TAF1L: variants seen among roughly 807,000 people sequenced by gnomAD.
TAF1L encodes the protein transcription initiation factor TFIID subunit 1-like.
TAF1L carries 30 observed loss-of-function variants against 128.8 expected under a neutral mutation model. The ratio of observed to expected loss-of-function variants is 0.23; its 90% CI spans 0.17 to 0.32. The LOEUF (loss-of-function observed/expected upper bound fraction) is 0.32. Ranked by LOEUF, TAF1L falls within the 10% of genes least tolerant of loss-of-function variation. The pLI is 1.00. For missense variants in TAF1L, 2,099 were observed against 2,253.7 expected (o/e 0.93, Z 1.39); for synonymous variants, 764 against 790.7 (o/e 0.97, Z 0.57).
rs375183846 is a variant in TAF1L at position 32,631,117 on chromosome 9, A to G, written c.4463T>C (p.Ile1488Thr). Reference sequence around the variant, plus strand: ...ACAGAGATCCAGCATGGATTGAGAGATCTGAGTCAATGAATGTTTTGGCCC... The same window carrying G: ...ACAGAGATCCAGCATGGATTGAGAGGTCTGAGTCAATGAATGTTTTGGCCC... ...YNGPKHSLTQ[I>T]SQSMLDLCDE... is the part of the protein sequence containing the mutation. The change falls in exon 1 of 1, where the codon ATC (isoleucine) becomes ACC (threonine). Residue 1488 changes from isoleucine to threonine, a missense_variant. Physicochemically the swap from Ile to Thr is moderately conservative, Grantham distance 89. Around this residue, in one of 4 missense-constraint regions of TAF1L, gnomAD observed 404 missense variants for 406.5 expected, o/e 0.99. Coordinates refer to ENST00000242310, the MANE Select transcript of TAF1L (RefSeq NM_153809.2). This position sits in a 1 kb window ranked among gnomAD's most constrained non-coding sequence, Gnocchi z 4.1. The G allele has an allele frequency of 1.2e-6, 2 of 1,614,052 alleles. No homozygotes were observed. Among genetic ancestry groups the G allele is most frequent in the African/African-American group, 2.7e-5 (2 of 74,916 alleles).
rs780833986 is a variant in TAF1L, at chr9:32,635,185, G to T, written c.395C>A (p.Pro132His). Residue 132 changes from proline (P) to histidine (H), a missense_variant, in exon 1 of 1, where the codon CCC (proline) becomes CAC (histidine). Pro to His is a moderately conservative substitution (Grantham distance 77). This residue lies in a region of TAF1L where 473 missense variants were observed against 429.6 expected (regional missense o/e 1.10). Coordinates refer to ENST00000242310, the MANE Select transcript of TAF1L (RefSeq NM_153809.2). ...TTCATCATAATCCGAGTGGTAAAGG[G>T]GCTGCAAGCTCCCCATCGTCTGCTG... ...RHQQTMGSLQ[P>H]LYHSDYDEDD... is the part of the protein sequence containing the mutation. The T allele has an allele frequency of 7.4e-6, 12 of 1,613,932 alleles. No homozygotes were observed. The highest frequency in any genetic ancestry group is 9.3e-6 in the Non-Finnish European group (11 of 1,180,028).
rs763041951 is a variant in TAF1L, at chr9:32,633,639, G to C, written c.1941C>G (p.Leu647=). 1.2e-6 allele frequency: 2 copies of C among 1,614,052 alleles called. No individual in the cohort carries two copies. The highest frequency in any genetic ancestry group is 1.7e-5 in the Admixed American group (1 of 60,004). Residue 647 remains leucine (L), a synonymous_variant, in exon 1 of 1, where the codon CTC becomes CTG. Transcript: ENST00000242310. ...PPLKKYSFGA[L]SQPGPHSVQP... is the part of the protein sequence containing the mutation. ...GGACTGAATGGGGACCTGGCTGAGA[G>C]AGTGCACCAAATGAGTACTTTTTCA...
In TAF1L at chr9:32,632,076, G is replaced by A. The variant is rs778565352; in HGVS notation, c.3504C>T (p.Val1168=). Residue 1168 remains valine, a synonymous_variant, in exon 1 of 1, where the codon GTC becomes GTT. Coordinates refer to ENST00000242310, the MANE Select transcript of TAF1L (RefSeq NM_153809.2). The surrounding 1 kb of genome is among the most constrained non-coding windows in gnomAD (Gnocchi z 4.4). ...AASGNNHRDD[V]TASMTSLKSS... ...ACTTAAGGCTAGTCATGGAAGCTGT[G>A]ACATCATCTCTGTGATTGTTTCCTG... 110 of 1,614,034 alleles carry A rather than the reference G, an allele frequency of 6.8e-5. No homozygotes were observed. Among genetic ancestry groups the A allele is most frequent in the Non-Finnish European group, 9.1e-5 (107 of 1,180,042 alleles).
In TAF1L at chr9:32,633,158, A is replaced by T; in HGVS notation, c.2422T>A (p.Phe808Ile). 1.2e-6 allele frequency: 2 copies of T among 1,614,194 alleles called. No individual in the cohort carries two copies. Among genetic ancestry groups the T allele is most frequent in the Non-Finnish European group, 1.7e-6 (2 of 1,180,028 alleles). ...IFVVGQQCPL[F>I]EVPGPNSRRA... ...CTGGAGTTAGGCCCAGGAACTTCAA[A>T]CAAGGGACACTGCTGGCCAACCACA... The change falls in exon 1 of 1, where the codon TTT (phenylalanine) becomes ATT (isoleucine). Residue 808 changes from phenylalanine to isoleucine, a missense_variant. Transcript: ENST00000242310.
rs34500740 is a variant in TAF1L at position 32,631,349 on chromosome 9, T to C, written c.4231A>G (p.Ile1411Val). The change falls in exon 1 of 1, where the codon ATC becomes GTC. Residue 1411 changes from isoleucine (I) to valine (V), a missense_variant. This residue lies in a region of TAF1L where 1,213 missense variants were observed against 1,391.4 expected (regional missense o/e 0.87). Coordinates refer to ENST00000242310, the MANE Select transcript of TAF1L (RefSeq NM_153809.2). The surrounding 1 kb of genome is among the most constrained non-coding windows in gnomAD (Gnocchi z 4.1). ...MVTLSSILES[I>V]INDMRDLPNT... ...GGAAGATCTCTCATGTCATTGATGA[T>C]AGACTCCAGGATGGATGACAGCGTC... The C allele has an allele frequency of 6.2e-6, 10 of 1,614,204 alleles. No individual in the cohort carries two copies. In the Middle Eastern group the frequency reaches 5.0e-4, roughly 80 times the overall value.
Position 32,630,187 on chromosome 9 carries a change from G to A in TAF1L, c.5393C>T (p.Ser1798Phe), listed in dbSNP as rs1351793229. Residue 1798 changes from serine to phenylalanine, a missense_variant, in exon 1 of 1, where the codon TCT (serine) becomes TTT (phenylalanine). By Grantham distance (155) the Ser-to-Phe change is radical. Coordinates refer to ENST00000242310, the MANE Select transcript of TAF1L (RefSeq NM_153809.2). ...TCTTATTCCACCATATCCCACATCA[G>A]AGTCACTTCCACTTTCACTCAGCTG... ...AIQLSESGSD[S>F]DVGYGGIRPK... 5 of 1,614,078 alleles carry A rather than the reference G, an allele frequency of 3.1e-6. No individual in the cohort carries two copies. The Admixed American group carries it at 8.3e-5, about 27-fold the overall frequency.
Position 32,632,880 on chromosome 9 carries a change from T to G in TAF1L, c.2700A>C (p.Ser900=). The change falls in exon 1 of 1, where the codon TCA becomes TCC. Residue 900 remains serine, a synonymous_variant. Coordinates refer to ENST00000242310, the MANE Select transcript of TAF1L (RefSeq NM_153809.2). The surrounding 1 kb of genome is among the most constrained non-coding windows in gnomAD (Gnocchi z 4.4). ...TATAATAAGCACAGCACTGCTCTGG[T>G]GACACCTTAGCTCTGATCTCTTCTT... The part of the protein sequence containing the change: ...PTEEEIRAKV[S]PEQCCAYYSM... 2 of 1,614,248 alleles carry G rather than the reference T, an allele frequency of 1.2e-6. No individual in the cohort carries two copies. Among genetic ancestry groups the G allele is most frequent in the South Asian group, 2.2e-5 (2 of 91,086 alleles).
chr9:32,634,911 C>G lies in TAF1L; in HGVS notation c.669G>C (p.Glu223Asp). The G allele has an allele frequency of 6.2e-7, 1 of 1,614,150 alleles. No homozygotes were observed. ...GPQEATQAES[E>D]DGKLTLPLAG... is the part of the protein sequence containing the mutation. ...CCAATGGAAGGGTCAGCTTTCCATC[C>G]TCAGATTCTGCCTGTGTTGCTTCCT... Residue 223 changes from glutamate (E) to aspartate (D), a missense_variant, in exon 1 of 1, where the codon GAG becomes GAC. Coordinates refer to ENST00000242310, the MANE Select transcript of TAF1L (RefSeq NM_153809.2).
rs897949186 is a variant in TAF1L at position 32,632,044 on chromosome 9, G to A, written c.3536C>T (p.Ala1179Val). The change falls in exon 1 of 1, where the codon GCC (alanine) becomes GTC (valine). Residue 1179 changes from alanine (A) to valine (V), a missense_variant. By Grantham distance (64) the Ala-to-Val change is moderately conservative. This residue lies in a region of TAF1L where 1,213 missense variants were observed against 1,391.4 expected (regional missense o/e 0.87). Transcript: ENST00000242310. The surrounding 1 kb of genome is among the most constrained non-coding windows in gnomAD (Gnocchi z 4.4). The part of the protein sequence containing the change: ...TASMTSLKSS[A>V]TGHCLKIYRT... ...ATAAATCTTGAGACAGTGTCCAGTG[G>A]CAGAAGACTTAAGGCTAGTCATGGA... 1 of 1,614,146 alleles carries A rather than the reference G, an allele frequency of 6.2e-7. No homozygotes were observed. The highest frequency in any genetic ancestry group is 1.3e-5 in the African/African-American group (1 of 75,018).
rs761472412 is a variant in TAF1L, at chr9:32,633,771, A to C, written c.1809T>G (p.Phe603Leu). The C allele has an allele frequency of 6.2e-7, 1 of 1,614,222 alleles. No individual in the cohort carries two copies. The highest frequency in any genetic ancestry group is 2.2e-5 in the East Asian group (1 of 44,880). ...TTGAATGCTGGATAATATTCCCTCC[A>C]AAGGTGCCCCGAAGACCCTGTTGCT... ...FPKQQGLRGT[F>L]GGNIIQHSIP... The change falls in exon 1 of 1, where the codon TTT becomes TTG. Residue 603 changes from phenylalanine (F) to leucine (L), a missense_variant. Physicochemically the swap from Phe to Leu is conservative, Grantham distance 22. Transcript: ENST00000242310.
chr9:32,632,383 A>G lies in TAF1L; in HGVS notation c.3197T>C (p.Phe1066Ser). 6.2e-7 allele frequency: 1 copy of G among 1,614,142 alleles called. No individual in the cohort carries two copies. The highest frequency in any genetic ancestry group is 8.5e-7 in the Non-Finnish European group (1 of 1,180,024). Reference sequence around the variant, plus strand: ...CACAGAAAACCTTGATCCACGGGCAAATTTACTCATGGGCCCCTCTCCAGA... The same window carrying G: ...CACAGAAAACCTTGATCCACGGGCAGATTTACTCATGGGCCCCTCTCCAGA... ...AHSGEGPMSK[F>S]ARGSRFSVAE... Residue 1066 changes from phenylalanine (F) to serine (S), a missense_variant, in exon 1 of 1, where the codon TTT becomes TCT. Phe to Ser is a radical substitution (Grantham distance 155, BLOSUM62 -2). Transcript: ENST00000242310. The surrounding 1 kb of genome is among the most constrained non-coding windows in gnomAD (Gnocchi z 4.4).
Position 32,631,892 on chromosome 9 carries a change from G to C in TAF1L, c.3688C>G (p.Leu1230Val). 1 of 1,614,172 alleles carries C rather than the reference G, an allele frequency of 6.2e-7. No individual in the cohort carries two copies. Among genetic ancestry groups the C allele is most frequent in the South Asian group, 1.1e-5 (1 of 91,082 alleles). Residue 1230 changes from leucine to valine, a missense_variant, in exon 1 of 1, where the codon CTT becomes GTT. Physicochemically the swap from Leu to Val is conservative, Grantham distance 32. This residue lies in a region of TAF1L where 1,213 missense variants were observed against 1,391.4 expected (regional missense o/e 0.87). Coordinates refer to ENST00000242310, the MANE Select transcript of TAF1L (RefSeq NM_153809.2). The surrounding 1 kb of genome is among the most constrained non-coding windows in gnomAD (Gnocchi z 4.1). ...TCTTCCCGATGTTTTTCATCAAAAA[G>C]GGCAAATTTTTGAATGAATTTCTCA... ...KDEKFIQKFA[L>V]FDEKHREEMR...
Position 32,631,313 on chromosome 9 carries a change from GGTGT to G in TAF1L, c.4263_4266del (p.His1422LeufsTer11), listed in dbSNP as rs1447574992. The G allele has an allele frequency of 1.2e-6, 2 of 1,614,020 alleles. No homozygotes were observed. The highest frequency in any genetic ancestry group is 2.7e-5 in the African/African-American group (2 of 74,896). On this transcript the variant is annotated frameshift_variant, in exon 1 of 1. Transcript: ENST00000242310. LOFTEE classifies it high-confidence loss of function. The surrounding 1 kb of genome is among the most constrained non-coding windows in gnomAD (Gnocchi z 4.1). ...TTTGCATTGACTGGAGTGTGGAAAG[GGTGT>G]GTATTTGGAAGATCTCTCATGTCAT...
chr9:32,635,574 T>A lies in TAF1L; in HGVS notation c.6A>T (p.Arg2=), dbSNP rs1822574637. M[R]PGCDLLLRAA... The stretch of plus-strand genomic sequence containing the variant: ...CCCTCAGCAGCAAATCGCAGCCGGG[T>A]CGCATAAACCGGAAATAAAACAACA... The change falls in exon 1 of 1, where the codon CGA becomes CGT. Residue 2 remains arginine, a synonymous_variant. Transcript: ENST00000242310. 3 of 1,609,942 alleles carry A rather than the reference T, an allele frequency of 1.9e-6. No homozygotes were observed. The highest frequency in any genetic ancestry group is 2.5e-6 in the Non-Finnish European group (3 of 1,178,580).
Position 32,634,583 on chromosome 9 carries a change from T to C in TAF1L, c.997A>G (p.Met333Val), listed in dbSNP as rs753861353. 6.2e-7 allele frequency: 1 copy of C among 1,614,176 alleles called. No individual in the cohort carries two copies. Residue 333 changes from methionine (M) to valine (V), a missense_variant, in exon 1 of 1, where the codon ATG (methionine) becomes GTG (valine). Met to Val is a conservative substitution (Grantham distance 21). Around this residue, in one of 4 missense-constraint regions of TAF1L, gnomAD observed 473 missense variants for 429.6 expected, o/e 1.10. Coordinates refer to ENST00000242310, the MANE Select transcript of TAF1L (RefSeq NM_153809.2). Reference sequence around the variant, plus strand: ...GAAAATTTGGACTCCACAGGAACCATCATCGTGATTTCATCATCAGCGAGA... The same window carrying C: ...GAAAATTTGGACTCCACAGGAACCACCATCGTGATTTCATCATCAGCGAGA... The part of the protein sequence containing the change: ...QCLADDEITM[M>V]VPVESKFSQS...
At position 32,634,634 on chromosome 9, in the gene TAF1L, C is replaced by T. The variant is rs1347187300; in HGVS notation, c.946G>A (p.Ala316Thr). ...CACTGCTCTGGGGGTGGTGGTGGAG[C>T]ATAGTCATAGTTCCACAAAGACTTC... The part of the protein sequence containing the change: ...SQKSLWNYDY[A>T]PPPPPEQCLA... The change falls in exon 1 of 1, where the codon GCT becomes ACT. Residue 316 changes from alanine (A) to threonine (T), a missense_variant. By Grantham distance (58) the Ala-to-Thr change is moderately conservative (BLOSUM62 0). Coordinates refer to ENST00000242310, the MANE Select transcript of TAF1L (RefSeq NM_153809.2). 2 of 1,613,930 alleles carry T rather than the reference C, an allele frequency of 1.2e-6. No individual in the cohort carries two copies. Among genetic ancestry groups the T allele is most frequent in the Non-Finnish European group, 1.7e-6 (2 of 1,179,960 alleles).
In TAF1L at chr9:32,635,467, G is replaced by T; in HGVS notation, c.113C>A (p.Ala38Glu). 3 of 1,614,110 alleles carry T rather than the reference G, an allele frequency of 1.9e-6. No individual in the cohort carries two copies. The highest frequency in any genetic ancestry group is 2.5e-6 in the Non-Finnish European group (3 of 1,180,012). The change falls in exon 1 of 1, where the codon GCG (alanine) becomes GAG (glutamate). Residue 38 changes from alanine to glutamate, a missense_variant. Physicochemically the swap from Ala to Glu is moderately radical, Grantham distance 107. Coordinates refer to ENST00000242310, the MANE Select transcript of TAF1L (RefSeq NM_153809.2). ...ACTGATGTTGCCGAAAAGGATACCC[G>T]CTAAAGTAAATGGGCCACCTCCAGA... Reference protein sequence around the residue: ...DSSGGGPFTLAGILFGNISGA... With the variant: ...DSSGGGPFTLEGILFGNISGA...
rs1822495203 is a variant in TAF1L, at chr9:32,630,012, T to A, written c.*87A>T. 5.7e-6 allele frequency: 9 copies of A among 1,581,746 alleles called. 1 individual carries two copies. ...TTGGGTGTTCAACTTGGGATCAGGC[T>A]CCTCACAGCTCCCATAACTGATGTT... On this transcript the variant is annotated 3_prime_UTR_variant, in exon 1 of 1. Coordinates refer to ENST00000242310, the MANE Select transcript of TAF1L (RefSeq NM_153809.2).
In TAF1L at chr9:32,635,120, A is replaced by G; in HGVS notation, c.460T>C (p.Leu154=). 6.2e-7 allele frequency: 1 copy of G among 1,614,178 alleles called. No individual in the cohort carries two copies. The highest frequency in any genetic ancestry group is 1.3e-5 in the African/African-American group (1 of 75,044). The change falls in exon 1 of 1, where the codon TTG becomes CTG. Residue 154 remains leucine (L), a synonymous_variant. Coordinates refer to ENST00000242310, the MANE Select transcript of TAF1L (RefSeq NM_153809.2). ...DADCEDIDCK[L]MPPPPPPPGP... ...GGGGGTGGAGGTGGAGGAGGCATCA[A>G]CTTGCAATCAATGTCTTCACAATCA...
Sources: gnomAD v4.1 joint callset for allele counts on GRCh38, gnomAD v4.1.1 for gene constraint, gnomAD v4.1.1 regional missense constraint, Gnocchi (gnomAD v3.1) non-coding constraint, MANE v1.5 for transcripts, NCBI Gene and HGNC (gene_info 2026-07-23, HGNC 2026-07-21) for gene names.